MEF2C: variants seen among roughly 807,000 people sequenced by gnomAD.
MEF2C encodes myocyte enhancer factor 2C, also known as myocyte-specific enhancer factor 2C.
In MEF2C, 6 loss-of-function variants were observed where a neutral mutation model predicts 50.5. The ratio of observed to expected loss-of-function variants is 0.12; its 90% confidence interval spans 0.07 to 0.23. The LOEUF (loss-of-function observed/expected upper bound fraction) is 0.23. MEF2C is among the 10% of genes least tolerant of loss of function. MEF2C has a pLI of 1.00. For synonymous variants in MEF2C, 183 were observed against 228.0 expected (o/e 0.80, Z 1.78); for missense variants, 276 against 605.0 (o/e 0.46, Z 5.70).
At chr5:88,885,116 A>C (rs1361996277), upstream of MEF2C, among the ~76,000 whole-genome samples, 2 of 152,258 alleles carry the variant, frequency 1.3e-5, no homozygotes, top group East Asian at 3.8e-4. Flanking sequence ...AATTCCTTTT[A>C]GCACTACGTT....
intron 6 of MEF2C, among the ~76,000 whole-genome samples, chr5:88,746,210 AG>A (rs554364800): frequency 6.6e-6 from 1 of 152,202 alleles, no homozygotes; most frequent in South Asian, 2.1e-4. Flanking sequence ...GGGAGACTGA[AG>A]CAGGATGCAA....
chr5:88,843,650 G>A (rs958732523), intron 1 of MEF2C: 1 of 172,954 alleles, frequency 5.8e-6, no homozygotes, highest in Admixed American at 6.6e-5. Context: ...ATGATCTATT[G>A]AAACAAATAT....
rs1352080960 is a variant in MEF2C at position 88,719,618 on chromosome 5, T to C, written c.*2986A>G. On this transcript the variant is annotated 3_prime_UTR_variant, in exon 11 of 11. Coordinates refer to ENST00000504921, the MANE Select transcript of MEF2C (RefSeq NM_002397.5). ...CCCTAAAGTCTGGAATACAAAGGAT[T>C]TACTGTGATTAAAAACCATACTAGC... The C allele has an allele frequency of 2.0e-5, 3 of 152,190 alleles. No homozygotes were observed. The highest frequency in any genetic ancestry group is 1.9e-4 in the East Asian group (1 of 5,200). 9.4% of individuals were successfully genotyped at this position (152,190 alleles called of 1,614,324 possible). A position where few individuals can be genotyped will look rare whatever the true frequency, so the allele number is the denominator to read the frequency against.
chr5:88,827,749 T>C (rs1245287005), intron 1 of MEF2C, among the ~76,000 whole-genome samples: 2 of 151,786 alleles, frequency 1.3e-5, no homozygotes, highest in Non-Finnish European at 2.9e-5. Flanking sequence ...GTTAATGCAG[T>C]CATATAATTG....
In MEF2C at chr5:88,766,871, T is replaced by G. The variant is rs377354557; in HGVS notation, c.259-5543A>C. ...CATCAACTTAGAAAAGGTAGTTTCCTTTCCTCTGATCCTGAATCATTTTTT... is the reference window on the plus strand; with the variant it reads ...CATCAACTTAGAAAAGGTAGTTTCCGTTCCTCTGATCCTGAATCATTTTTT... On this transcript the variant is annotated intron_variant, in intron 3 of 10. Coordinates refer to ENST00000504921, the MANE Select transcript of MEF2C (RefSeq NM_002397.5). 1.5e-5 allele frequency: 14 copies of G among 959,554 alleles called. No homozygotes were observed. In the East Asian group the frequency reaches 8.1e-4, roughly 55 times the overall value. The allele number at this position is 959,554 out of a possible 1,614,324, so 59.4% of individuals were successfully genotyped here. A position where few individuals can be genotyped will look rare whatever the true frequency, so the allele number is the denominator to read the frequency against.
chr5:88,884,738 T>G (rs1833867835), upstream of MEF2C, among the ~76,000 whole-genome samples: 1 of 144,370 alleles, frequency 6.9e-6, no homozygotes. Flanking sequence ...GAAGCAGAAA[T>G]AGAGACTGAT....
rs746995722 is a variant in MEF2C, at chr5:88,823,705, A to G, written c.54+30T>C. 3 of 1,553,404 alleles carry G rather than the reference A, an allele frequency of 1.9e-6. No individual in the cohort carries two copies. In the Admixed American group the frequency reaches 5.2e-5, roughly 27 times the overall value. On this transcript the variant is annotated intron_variant, in intron 2 of 10. Coordinates refer to ENST00000504921, the MANE Select transcript of MEF2C (RefSeq NM_002397.5). Reference sequence around the variant, plus strand: ...TGTGGAGAAAATATAATTAATAAATAATGATACAAAAAAAGTTTACTCCAC... The same window carrying G: ...TGTGGAGAAAATATAATTAATAAATGATGATACAAAAAAAGTTTACTCCAC...
intron 1 of MEF2C, among the ~76,000 whole-genome samples, chr5:88,844,027 A>T (rs1257641006): frequency 1.3e-5 from 2 of 151,950 alleles, no homozygotes; most frequent in African/African-American, 2.4e-5. Flanking sequence ...GGCCATGATG[A>T]TCTTGATCTC....
intron 1 of MEF2C, among the ~76,000 whole-genome samples, chr5:88,892,538 C>T (rs1834703384): frequency 1.3e-5 from 2 of 152,160 alleles, no homozygotes; most frequent in Admixed American, 6.5e-5. Context: ...AGAAGTAGGT[C>T]ATCCGAGAGG....
intron 6 of MEF2C, chr5:88,741,352 T>A (rs1766675759): frequency 4.1e-6 from 4 of 985,204 alleles, no homozygotes; most frequent in Middle Eastern, 1.0e-3. Flanking sequence ...CTCATTTAAT[T>A]TTTACAACAA....
At chr5:88,853,977 A>C (rs896426061) in intron 1 of MEF2C, among the ~76,000 whole-genome samples, 1 of 152,124 alleles carries the variant, frequency 6.6e-6, no homozygotes, top group Non-Finnish European at 1.5e-5. Flanking sequence ...CAAGAACCAC[A>C]ATCATTCCTA....
At chr5:88,737,654 T>C (rs1422855601) in intron 6 of MEF2C, 2 of 985,218 alleles carry the variant, frequency 2.0e-6, no homozygotes, top group African/African-American at 1.7e-5. Context: ...ATTTATCAGA[T>C]GGTTCAGAGA....
chr5:88,804,863 T>G, intron 2 of MEF2C, 62 bp from the exon 3 acceptor site: 1 of 1,323,836 alleles, frequency 7.6e-7, no homozygotes, highest in Non-Finnish European at 1.1e-6. Context: ...GGTTTTTTTC[T>G]TTTCTTTTTT....
chr5:88,878,545 G>A (rs1196005760), intron 1 of MEF2C, among the ~76,000 whole-genome samples: 1 of 151,928 alleles, frequency 6.6e-6, no homozygotes, highest in Non-Finnish European at 1.5e-5. Flanking sequence ...CTGGTCATTG[G>A]ATATTGTGTT....
intron 3 of MEF2C, among the ~76,000 whole-genome samples, chr5:88,779,175 TA>T (rs532459824): frequency 3.7e-4 from 56 of 152,346 alleles, no homozygotes; most frequent in Admixed American, 1.4e-3. Context: ...ATTAACCACC[TA>T]ATAGTTTTAA....
At chr5:88,869,615 A>G (rs1828877581) in intron 1 of MEF2C, among the ~76,000 whole-genome samples, 1 of 151,520 alleles carries the variant, frequency 6.6e-6, no homozygotes, top group Non-Finnish European at 1.5e-5. Context: ...AAATTCTGTT[A>G]ACTTACTACA....
At chr5:88,729,509 A>G in intron 8 of MEF2C, 162 bp from the exon 9 acceptor site, 1 of 671,394 alleles carries the variant, frequency 1.5e-6, no homozygotes, top group Non-Finnish European at 2.5e-6. Context: ...CCTATCATTT[A>G]CAATCCTTCA....
chr5:88,746,788 G>T, intron 6 of MEF2C: 1 of 677,200 alleles, frequency 1.5e-6, no homozygotes, highest in Non-Finnish European at 1.8e-6. Context: ...TGACAGCTAA[G>T]CTTGAGACTA....
chr5:88,859,081 A>C (rs1324337620), intron 1 of MEF2C, among the ~76,000 whole-genome samples: 1 of 152,242 alleles, frequency 6.6e-6, no homozygotes, highest in Non-Finnish European at 1.5e-5. Context: ...TATAATTGTT[A>C]TTTGTATTAC....
Sources: allele counts gnomAD v4.1 joint callset (sites outside exome capture counted in the v4.1 genomes callset), GRCh38; gene constraint gnomAD v4.1.1; transcripts MANE v1.5; gene names NCBI Gene and HGNC (gene_info 2026-07-23, HGNC 2026-07-21).